The following TTC34 variants were observed in gnomAD, a reference collection of about 807,000 sequenced individuals.
TTC34 encodes tetratricopeptide repeat domain 34, also known as tetratricopeptide repeat protein 34.
Under a neutral mutation model 40.7 loss-of-function variants are expected in TTC34, and 44 were observed. That is an observed-to-expected ratio of 1.08 (90% CI 0.85 to 1.39). TTC34 has a LOEUF of 1.39. Among genes scored for constraint, TTC34 ranks in the 40% most tolerant of loss-of-function variants. TTC34 has a pLI of 0.00. For synonymous variants in TTC34, 422 were observed against 398.6 expected (o/e 1.06, Z -0.70); for missense variants, 884 against 838.0 (o/e 1.05, Z -0.68).
At position 2,756,109 on chromosome 1, in the gene TTC34, C is replaced by A. The variant is rs1165750511; in HGVS notation, c.2226+27500G>T. The stretch of plus-strand genomic sequence containing the variant: ...AGCGTGGAACAGCACCCTGCACCCC[C>A]AGGAGAGCATCTGACAGCATGGAAC... On this transcript the variant is annotated intron_variant, in intron 6 of 8. Transcript: ENST00000401095. Among the ~76,000 whole-genome samples, 7 of 69,832 alleles carry A rather than the reference C, an allele frequency of 1.0e-4. 1 individual carries two copies. The highest frequency in any genetic ancestry group is 9.7e-5 in the Non-Finnish European group (4 of 41,370). 45.8% of individuals were successfully genotyped at this position (69,832 alleles called of 152,430 possible).
At chr1:2,647,916 G>A (rs1324154707) in intron 6 of TTC34, among the ~76,000 whole-genome samples, 1 of 151,918 alleles carries the variant, frequency 6.6e-6, no homozygotes, top group Non-Finnish European at 1.5e-5. Context: ...TGCTTTGGCA[G>A]TTTCCAATCT....
chr1:2,683,556 C>G (rs1195262608), intron 6 of TTC34, among the ~76,000 whole-genome samples: 3 of 144,380 alleles, frequency 2.1e-5, no homozygotes, highest in South Asian at 2.2e-4. Context: ...CCCACAACCA[C>G]AGGTGAGCAT....
intron 6 of TTC34, among the ~76,000 whole-genome samples, chr1:2,651,737 T>A (rs1033320189): frequency 6.6e-6 from 1 of 151,072 alleles, no homozygotes; most frequent in African/African-American, 2.4e-5. Flanking sequence ...CAGGTGATTA[T>A]CTGACAACCT....
chr1:2,759,474 C>T (rs1183683864), intron 6 of TTC34, among the ~76,000 whole-genome samples: 2 of 110,824 alleles, frequency 1.8e-5, no homozygotes, highest in Non-Finnish European at 3.6e-5. Context: ...AGCAGCACCC[C>T]ACACCCCCAG....
rs1230104285 is a variant in TTC34, at chr1:2,760,955, C to G, written c.2226+22654G>C. 3.4e-5 allele frequency among the ~76,000 whole-genome samples: 2 copies of G among 58,438 alleles called. 1 individual carries two copies. The highest frequency in any genetic ancestry group is 3.2e-4 in the African/African-American group (2 of 6,176). 38.3% of individuals were successfully genotyped at this position (58,438 alleles called of 152,430 possible). A position where few individuals can be genotyped will look rare whatever the true frequency, so the allele number is the denominator to read the frequency against. Reference sequence around the variant, plus strand: ...GTGAGCATCTGACAGCCTGGAGCAGCGTCCACACCCCCAGGTGAGCATCTG... The same window carrying G: ...GTGAGCATCTGACAGCCTGGAGCAGGGTCCACACCCCCAGGTGAGCATCTG... On this transcript the variant is annotated intron_variant, in intron 6 of 8. Transcript: ENST00000401095.
rs1641376270 is a variant in TTC34, at chr1:2,753,020, G to A, written c.2226+30589C>T. Among the ~76,000 whole-genome samples, 7 of 151,208 alleles carry A rather than the reference G, an allele frequency of 4.6e-5. No homozygotes were observed. The South Asian group carries it at 1.1e-3, about 23-fold the overall frequency. On this transcript the variant is annotated intron_variant, in intron 6 of 8. Coordinates refer to ENST00000401095, the Ensembl canonical transcript of TTC34. Reference sequence around the variant, plus strand: ...GCATGGAATGGCATCCTCACCTCCAGGTGAGCATCCGACAGCCTGGAGCAG... The same window carrying A: ...GCATGGAATGGCATCCTCACCTCCAAGTGAGCATCCGACAGCCTGGAGCAG...
intron 6 of TTC34, among the ~76,000 whole-genome samples, chr1:2,687,711 G>T (rs1428119353): frequency 6.6e-6 from 1 of 151,618 alleles, no homozygotes; most frequent in African/African-American, 2.4e-5. Context: ...CTGACAGCCG[G>T]GAACAGCACC....
At chr1:2,769,735 T>C (rs1569765393) in intron 6 of TTC34, among the ~76,000 whole-genome samples, 1 of 148,250 alleles carries the variant, frequency 6.7e-6, no homozygotes, top group African/African-American at 2.5e-5. Context: ...TCTGACAGCC[T>C]GGAGCAGCGC....
rs1643273174 is a variant in TTC34 at position 2,777,478 on chromosome 1, G to T, written c.2226+6131C>A. The stretch of plus-strand genomic sequence containing the variant: ...CCCCCCGGTTAGTGTCTGAATTCCT[G>T]GAATATGTGCTGTCCTTTTCCACCA... On this transcript the variant is annotated intron_variant, in intron 6 of 8. Coordinates refer to ENST00000401095, the Ensembl canonical transcript of TTC34. Among the ~76,000 whole-genome samples the T allele has an allele frequency of 2.6e-5, 4 of 151,710 alleles. No homozygotes were observed. In the South Asian group the frequency reaches 8.3e-4, roughly 32 times the overall value.
chr1:2,787,847 C>T, intron 3 of TTC34, 141 bp from the exon 4 acceptor site: 1 of 646,408 alleles, frequency 1.5e-6, no homozygotes, highest in Non-Finnish European at 2.5e-6. Context: ...GCCACACCAT[C>T]CCCAGAAGCC....
At chr1:2,753,196 C>A (rs1294790501) in intron 6 of TTC34, among the ~76,000 whole-genome samples, 1 of 104,878 alleles carries the variant, frequency 9.5e-6, no homozygotes, top group Non-Finnish European at 1.8e-5. Flanking sequence ...CATCTGACAT[C>A]GTGCAGCAGC....
At chr1:2,756,746 C>T (rs1208418148) in intron 6 of TTC34, among the ~76,000 whole-genome samples, 1 of 6,552 alleles carries the variant, frequency 1.5e-4, no homozygotes, top group Non-Finnish European at 3.3e-4. Context: ...AGCACGCACA[C>T]CCCCAGTTGA....
chr1:2,656,119 G>T (rs78870868), intron 6 of TTC34, among the ~76,000 whole-genome samples: 6 of 83,000 alleles, frequency 7.2e-5, no homozygotes, highest in African/African-American at 2.2e-4. Flanking sequence ...CTGAGAGCCT[G>T]GAACAGAACC....
chr1:2,751,731 C>T (rs1641327237), intron 6 of TTC34, among the ~76,000 whole-genome samples: 1 of 151,276 alleles, frequency 6.6e-6, no homozygotes, highest in African/African-American at 2.4e-5. Context: ...CCCACACCCC[C>T]AGGTGAGCAT....
intron 6 of TTC34, among the ~76,000 whole-genome samples, chr1:2,754,651 A>G (rs2100442422): frequency 2.5e-5 from 2 of 81,206 alleles, no homozygotes; most frequent in Admixed American, 1.3e-4. Flanking sequence ...GTGGAGGAGC[A>G]CCCACACCCC....
At chr1:2,768,553 T>C (rs1433899404) in intron 6 of TTC34, among the ~76,000 whole-genome samples, 34 of 151,722 alleles carry the variant, frequency 2.2e-4, no homozygotes, top group Non-Finnish European at 4.4e-5. Flanking sequence ...CAGGTGAGCA[T>C]CTGATAGCCT....
chr1:2,753,332 A>G (rs1641390217), intron 6 of TTC34, among the ~76,000 whole-genome samples: 2 of 121,912 alleles, frequency 1.6e-5, no homozygotes, highest in African/African-American at 3.6e-5. Context: ...AGCATCACCC[A>G]CACCCCCAGA....
At chr1:2,673,362 G>C (rs962526729) in intron 6 of TTC34, among the ~76,000 whole-genome samples, 1 of 69,572 alleles carries the variant, frequency 1.4e-5, no homozygotes, top group East Asian at 3.2e-4. Flanking sequence ...ACGGCCACAG[G>C]CGAGCATCTG....
At chr1:2,644,127 C>T (rs1259617478) in intron 8 of TTC34, 137 bp downstream of exon 8, 16 of 929,940 alleles carry the variant, frequency 1.7e-5, no homozygotes, top group African/African-American at 1.3e-4. Flanking sequence ...GGGTGCCTCC[C>T]ACCCCACCCC....
Sources: allele counts gnomAD v4.1 joint callset (sites outside exome capture counted in the v4.1 genomes callset), GRCh38; gene constraint gnomAD v4.1.1; transcripts MANE v1.5; gene names NCBI Gene and HGNC (gene_info 2026-07-23, HGNC 2026-07-21).